Variants in CARMIL1 observed in about 807,000 individuals in gnomAD.
The protein encoded by CARMIL1 is capping protein regulator and myosin 1 linker 1.
In CARMIL1, 90 loss-of-function variants were observed where a neutral mutation model predicts 177.1. The observed-to-expected ratio is 0.51, with a 90% CI of 0.43 to 0.61. The LOEUF is 0.61. Ranked by LOEUF, CARMIL1 falls within the 20% of genes least tolerant of loss-of-function variation. The pLI is 0.00. For missense variants in CARMIL1, 1,380 were observed against 1,667.0 expected, an observed-to-expected ratio of 0.83 and a Z score of 3.00; for synonymous variants, 577 against 606.2, an observed-to-expected ratio of 0.95 and a Z score of 0.71.
At chr6:25,292,774 A>G (rs940403366) in intron 2 of CARMIL1, among the ~76,000 whole-genome samples, 3 of 152,156 alleles carry the variant, frequency 2.0e-5, no homozygotes, top group Non-Finnish European at 4.4e-5. Flanking sequence ...GACCAGGGCA[A>G]TTAGGTATAT....
chr6:25,515,575 G>A lies in CARMIL1; in HGVS notation c.1633-100G>A. 1 of 1,095,644 alleles carries A rather than the reference G, an allele frequency of 9.1e-7. No individual in the cohort carries two copies. Among genetic ancestry groups the A allele is most frequent in the Non-Finnish European group, 1.3e-6 (1 of 780,984 alleles). The allele number at this position is 1,095,644 out of a possible 1,614,324, so 67.9% of individuals were successfully genotyped here. ...GTAGTAGTTCTAAAATCAGACACGT[G>A]CAGTAGGTCCATCCCCTCTCATTCT... On this transcript the variant is annotated intron_variant, in intron 20 of 36. Coordinates refer to ENST00000329474, the MANE Select transcript of CARMIL1 (RefSeq NM_017640.6). The surrounding 1 kb of genome is among the most constrained non-coding windows in gnomAD (Gnocchi z 5.0).
intron 24 of CARMIL1, among the ~76,000 whole-genome samples, chr6:25,530,396 T>C (rs1284172418): frequency 6.6e-6 from 1 of 151,880 alleles, no homozygotes; most frequent in African/African-American, 2.4e-5. Context: ...AGACCTGTAA[T>C]CCCAACTACT....
chr6:25,367,279 G>A (rs751290224), intron 2 of CARMIL1, among the ~76,000 whole-genome samples: 1 of 152,118 alleles, frequency 6.6e-6, no homozygotes, highest in Admixed American at 6.5e-5. Context: ...AGAATTCTGA[G>A]GGTATCCCTA....
chr6:25,425,614 G>T (rs1371937874), intron 3 of CARMIL1, among the ~76,000 whole-genome samples: 1 of 151,934 alleles, frequency 6.6e-6, no homozygotes, highest in East Asian at 1.9e-4. Context: ...GCTGAAATGG[G>T]GAAAATCCGG....
chr6:25,453,867 G>GT (rs910496655), intron 8 of CARMIL1, among the ~76,000 whole-genome samples: 30 of 151,860 alleles, frequency 2.0e-4, no homozygotes, highest in Middle Eastern at 3.4e-3. Flanking sequence ...AGCTTGAGGC[G>GT]TTTTTTTTGG....
chr6:25,478,622 C>T (rs1801801146), intron 11 of CARMIL1, among the ~76,000 whole-genome samples: 1 of 152,056 alleles, frequency 6.6e-6, no homozygotes, highest in Admixed American at 6.6e-5. Context: ...CAGTGAAACC[C>T]CGTCTTTACT....
intron 2 of CARMIL1, among the ~76,000 whole-genome samples, chr6:25,385,577 G>T (rs576596854): frequency 7.9e-4 from 120 of 152,314 alleles, no homozygotes; most frequent in South Asian, 1.7e-3. Context: ...ATAAACAGAA[G>T]AGATAAATAG....
At chr6:25,522,532 C>G (rs565420949) in intron 23 of CARMIL1, among the ~76,000 whole-genome samples, 85 of 152,308 alleles carry the variant, frequency 5.6e-4, no homozygotes, top group Non-Finnish European at 7.9e-4. Context: ...TCCAGACATC[C>G]TTTTTCTTTC....
At chr6:25,322,830 G>A (rs1339148596) in intron 2 of CARMIL1, among the ~76,000 whole-genome samples, 1 of 152,104 alleles carries the variant, frequency 6.6e-6, no homozygotes, top group Non-Finnish European at 1.5e-5. Flanking sequence ...GTTTTCACAG[G>A]ACTGATTCAA....
chr6:25,299,704 G>A (rs2690128), intron 2 of CARMIL1, among the ~76,000 whole-genome samples: 7 of 152,020 alleles, frequency 4.6e-5, no homozygotes, highest in East Asian at 2.0e-4. Flanking sequence ...GGCTGGGCAC[G>A]GTGGCTCATG....
chr6:25,560,505 G>A (rs1811014746), intron 29 of CARMIL1, among the ~76,000 whole-genome samples: 1 of 152,046 alleles, frequency 6.6e-6, no homozygotes, highest in African/African-American at 2.4e-5. Flanking sequence ...TGACGTTCAG[G>A]CACTATTCTG....
intron 24 of CARMIL1, among the ~76,000 whole-genome samples, chr6:25,535,904 T>C (rs1453017486): frequency 6.6e-6 from 1 of 152,226 alleles, no homozygotes; most frequent in Admixed American, 6.5e-5. Context: ...CATGAGATTT[T>C]ATGTCTTCTT....
chr6:25,384,431 A>G (rs1299942385), intron 2 of CARMIL1, among the ~76,000 whole-genome samples: 1 of 152,242 alleles, frequency 6.6e-6, no homozygotes, highest in East Asian at 1.9e-4. Context: ...CTGTAGTATC[A>G]GCCACGTGTA....
intron 31 of CARMIL1, among the ~76,000 whole-genome samples, chr6:25,585,696 C>T (rs952330514): frequency 1.3e-5 from 2 of 152,116 alleles, no homozygotes; most frequent in African/African-American, 4.8e-5. Flanking sequence ...GACCCTGCGG[C>T]CTTCCGCAGT....
chr6:25,294,662 TGAA>T (rs1411780250), intron 2 of CARMIL1, among the ~76,000 whole-genome samples: 1 of 152,224 alleles, frequency 6.6e-6, no homozygotes, highest in Non-Finnish European at 1.5e-5. Context: ...TTCAAGTATT[TGAA>T]GAAGGTTATC....
chr6:25,298,230 A>C (rs1301821043), intron 2 of CARMIL1, among the ~76,000 whole-genome samples: 1 of 152,246 alleles, frequency 6.6e-6, no homozygotes, highest in African/African-American at 2.4e-5. Flanking sequence ...TGCTTTGATT[A>C]AAAGAATCTA....
At chr6:25,528,299 C>A (rs1011317551) in intron 23 of CARMIL1, among the ~76,000 whole-genome samples, 10 of 152,042 alleles carry the variant, frequency 6.6e-5, no homozygotes, top group African/African-American at 2.4e-4. Flanking sequence ...AATCTTGTTG[C>A]GATTCTTTCT....
intron 2 of CARMIL1, among the ~76,000 whole-genome samples, chr6:25,307,112 C>T (rs749170935): frequency 6.6e-6 from 1 of 152,086 alleles, no homozygotes; most frequent in Non-Finnish European, 1.5e-5. Context: ...AACTCCTGAC[C>T]TCAGGTGATC....
At chr6:25,302,077 T>C (rs546278824) in intron 2 of CARMIL1, among the ~76,000 whole-genome samples, 1 of 152,292 alleles carries the variant, frequency 6.6e-6, no homozygotes, top group East Asian at 1.9e-4. Flanking sequence ...GAAATCAGCA[T>C]TGTAAATCAT....
Sources: gnomAD v4.1 joint callset for allele counts (sites outside exome capture counted in the v4.1 genomes callset) on GRCh38, gnomAD v4.1.1 for gene constraint, Gnocchi (gnomAD v3.1) non-coding constraint, MANE v1.5 for transcripts, NCBI Gene and HGNC (gene_info 2026-07-23, HGNC 2026-07-21) for gene names.